Variants in LRP1B observed in about 807,000 individuals in gnomAD.
The protein encoded by LRP1B is LDL receptor related protein 1B.
In LRP1B, 217 loss-of-function variants were observed where a neutral mutation model predicts 556.6. The ratio of observed to expected loss-of-function variants is 0.39; its 90% CI spans 0.35 to 0.44. LRP1B has a LOEUF of 0.44. Ranked by LOEUF, LRP1B falls within the 20% of genes least tolerant of loss-of-function variation. LRP1B has a pLI of 1.00. For synonymous variants in LRP1B, 2,047 were observed against 1,865.8 expected, an observed-to-expected ratio of 1.10 and a Z score of -2.50; for missense variants, 5,053 against 5,620.8, an observed-to-expected ratio of 0.90 and a Z score of 3.23.
At chr2:140,265,320 T>A (rs1419461864) in intron 86 of LRP1B, among the ~76,000 whole-genome samples, 2 of 152,106 alleles carry the variant, frequency 1.3e-5, no homozygotes, top group Non-Finnish European at 2.9e-5. Context: ...ATTCAATGTA[T>A]CTACTTTAAT....
intron 3 of LRP1B, among the ~76,000 whole-genome samples, chr2:141,389,392 G>A (rs866173752): frequency 1.3e-5 from 2 of 152,094 alleles, no homozygotes; most frequent in Middle Eastern, 3.2e-3. Context: ...TTCAACAAAT[G>A]GTGCTGGGAT....
At chr2:141,770,715 G>T (rs1390862048) in intron 2 of LRP1B, among the ~76,000 whole-genome samples, 1 of 152,210 alleles carries the variant, frequency 6.6e-6, no homozygotes, top group Non-Finnish European at 1.5e-5. Flanking sequence ...AGAGTGCAGT[G>T]AGGCGCCACC....
At chr2:141,071,046 C>A (rs1486516343) in intron 7 of LRP1B, among the ~76,000 whole-genome samples, 1 of 151,952 alleles carries the variant, frequency 6.6e-6, no homozygotes, top group African/African-American at 2.4e-5. Flanking sequence ...GGCAGAGACA[C>A]AACCAAAAAA....
At chr2:141,667,235 T>A (rs1304440755) in intron 2 of LRP1B, among the ~76,000 whole-genome samples, 1 of 152,130 alleles carries the variant, frequency 6.6e-6, no homozygotes, top group Non-Finnish European at 1.5e-5. Flanking sequence ...ATAATCAGAA[T>A]GAAAATAACA....
intron 90 of LRP1B, among the ~76,000 whole-genome samples, chr2:140,234,294 A>G (rs1680600756): frequency 1.3e-5 from 2 of 151,426 alleles, no homozygotes; most frequent in South Asian, 4.1e-4. Context: ...TAGACAGAAC[A>G]GCTTTCTCTA....
intron 26 of LRP1B, 105 bp from the exon 27 acceptor site, chr2:140,867,939 A>G (rs1022295480): frequency 7.5e-7 from 1 of 1,326,398 alleles, no homozygotes; most frequent in African/African-American, 1.5e-5. Context: ...TTTTATAAAT[A>G]TTTTTATGGG....
Position 142,122,653 on chromosome 2 carries a change from T to C in LRP1B, c.82+7995A>G, listed in dbSNP as rs1041986634. ...AATCTGATGTAGTTATTATGCTTAA[T>C]GAAAATCTCAAAAATATGGATGCCC... On this transcript the variant is annotated intron_variant, in intron 1 of 90. Coordinates refer to ENST00000389484, the MANE Select transcript of LRP1B (RefSeq NM_018557.3). Among the ~76,000 whole-genome samples the C allele has an allele frequency of 8.5e-5, 13 of 152,202 alleles. 1 individual carries two copies. The South Asian group carries it at 2.5e-3, about 29-fold the overall frequency.
At chr2:142,098,102 A>T (rs898540117) in intron 1 of LRP1B, among the ~76,000 whole-genome samples, 1 of 151,748 alleles carries the variant, frequency 6.6e-6, no homozygotes, top group Admixed American at 6.6e-5. Flanking sequence ...GGAAATGAAG[A>T]GTGTGTGGTT....
intron 2 of LRP1B, among the ~76,000 whole-genome samples, chr2:141,772,231 G>A (rs1160622527): frequency 6.6e-6 from 1 of 152,118 alleles, no homozygotes; most frequent in Non-Finnish European, 1.5e-5. Context: ...TTCCAAAACT[G>A]TGAGAAATAT....
chr2:141,238,925 G>A (rs1217905042), intron 5 of LRP1B, among the ~76,000 whole-genome samples: 2 of 152,018 alleles, frequency 1.3e-5, no homozygotes, highest in East Asian at 3.9e-4. Flanking sequence ...TGGAGATATT[G>A]AATATATAAT....
At position 140,912,938 on chromosome 2, in the gene LRP1B, G is replaced by A. The variant is rs944974689; in HGVS notation, c.3320-4861C>T. Among the ~76,000 whole-genome samples, 2 of 151,090 alleles carry A rather than the reference G, an allele frequency of 1.3e-5. 1 individual carries two copies. Among genetic ancestry groups the A allele is most frequent in the South Asian group, 4.1e-4 (2 of 4,824 alleles). ...AAATAGATCTACCTTTTTGTAAACG[G>A]ACTTGTTTTTAGTTTAATAAAAAGA... On this transcript the variant is annotated intron_variant, in intron 21 of 90. Transcript: ENST00000389484.
intron 27 of LRP1B, among the ~76,000 whole-genome samples, chr2:140,853,313 A>G (rs901232472): frequency 6.6e-6 from 1 of 152,142 alleles, no homozygotes; most frequent in African/African-American, 2.4e-5. Flanking sequence ...GTTTATTACC[A>G]TTAGATCATA....
At chr2:141,184,352 T>C (rs1022883869) in intron 7 of LRP1B, among the ~76,000 whole-genome samples, 1 of 151,932 alleles carries the variant, frequency 6.6e-6, no homozygotes, top group Non-Finnish European at 1.5e-5. Context: ...CAGATGTCCC[T>C]TCTCCCCTGA....
intron 1 of LRP1B, among the ~76,000 whole-genome samples, chr2:141,978,831 G>A (rs573943831): frequency 1.3e-5 from 2 of 152,136 alleles, no homozygotes; most frequent in South Asian, 4.1e-4. Context: ...TAGCATTGAT[G>A]TGGGATATGA....
chr2:140,323,767 TTAAAGTTAC>T (rs1228821997), intron 81 of LRP1B, 117 bp downstream of exon 81: 5 of 448,616 alleles, frequency 1.1e-5, no homozygotes, highest in African/African-American at 1.0e-4. Flanking sequence ...GACATCAAAA[TTAAAGTTAC>T]TTAAGTTACT....
rs1688853636 is a variant in LRP1B at position 141,362,312 on chromosome 2, A to G, written c.344-107671T>C. Among the ~76,000 whole-genome samples the G allele has an allele frequency of 1.3e-5, 2 of 152,208 alleles. 1 individual carries two copies. The highest frequency in any genetic ancestry group is 4.1e-4 in the South Asian group (2 of 4,836). On this transcript the variant is annotated intron_variant, in intron 3 of 90. Coordinates refer to ENST00000389484, the MANE Select transcript of LRP1B (RefSeq NM_018557.3). ...AGATGATTATGTATATTTAATTTAC[A>G]CTTTGGTTGGTAATGATGACATGCA... is the stretch of plus-strand genomic sequence containing the variant.
intron 2 of LRP1B, among the ~76,000 whole-genome samples, chr2:141,784,935 T>C (rs930896863): frequency 6.6e-6 from 1 of 151,930 alleles, no homozygotes; most frequent in African/African-American, 2.4e-5. Flanking sequence ...TACATGCAGA[T>C]AGTCAAGTTA....
intron 1 of LRP1B, among the ~76,000 whole-genome samples, chr2:141,936,231 A>G (rs2105004916): frequency 6.6e-6 from 1 of 152,320 alleles, no homozygotes; most frequent in East Asian, 1.9e-4. Flanking sequence ...ACCATAAAGC[A>G]AAACCAAAAA....
chr2:140,952,885 AC>A (rs1332941838), intron 18 of LRP1B, among the ~76,000 whole-genome samples: 1 of 152,180 alleles, frequency 6.6e-6, no homozygotes, highest in African/African-American at 2.4e-5. Context: ...AAAGTTATTC[AC>A]CTAGAGTTTA....
Sources: gnomAD v4.1 joint callset for allele counts (sites outside exome capture counted in the v4.1 genomes callset) on GRCh38, gnomAD v4.1.1 for gene constraint, MANE v1.5 for transcripts, NCBI Gene and HGNC (gene_info 2026-07-23, HGNC 2026-07-21) for gene names.